CELSR1: variants seen among roughly 807,000 people sequenced by gnomAD.
CELSR1 encodes cadherin EGF LAG seven-pass G-type receptor 1.
CELSR1 carries 110 observed loss-of-function variants against 249.1 expected under a neutral mutation model. That is an observed-to-expected ratio of 0.44 (90% CI 0.38 to 0.52). The LOEUF (loss-of-function observed/expected upper bound fraction) is 0.52. Ranked by LOEUF, CELSR1 falls within the 20% of genes least tolerant of loss-of-function variation. The probability of loss-of-function intolerance (pLI) is 0.00; values close to 1 mark genes in which losing one functional copy is unlikely to be tolerated. For missense variants in CELSR1, 4,109 were observed against 4,296.4 expected (o/e 0.96, Z 1.22); for synonymous variants, 2,113 against 1,900.0 (o/e 1.11, Z -2.92).
In CELSR1 at chr22:46,533,530, T is replaced by C. The variant is rs369459664; in HGVS notation, c.3544+97A>G. ...GCAGAGTTGCCCGGGCCCGGCCCAA[T>C]TGCGCCCCGGCATGCCAGGCGGAGC... is the stretch of plus-strand genomic sequence containing the variant. On this transcript the variant is annotated intron_variant, in intron 1 of 34. Transcript: ENST00000674500. 1,517 of 1,475,880 alleles carry C rather than the reference T, an allele frequency of 1.0e-3. 17 individuals are homozygous for C. In the African/African-American group the frequency reaches 0.017, roughly 17 times the overall value. 91.4% of individuals were successfully genotyped at this position (1,475,880 alleles called of 1,614,324 possible).
At chr22:46,369,836 G>C in intron 25 of CELSR1, 32 bp from the exon 26 acceptor site, 1 of 1,596,134 alleles carries the variant, frequency 6.3e-7, no homozygotes, top group Non-Finnish European at 8.6e-7. Context: ...GGAAGGGTGA[G>C]GGCCACGTGC....
intron 24 of CELSR1, among the ~76,000 whole-genome samples, chr22:46,373,557 C>T (rs1328153789): frequency 1.3e-5 from 2 of 151,266 alleles, no homozygotes; most frequent in Non-Finnish European, 2.9e-5. Context: ...GGAGAGGCTG[C>T]CCCAGCCAGT....
Position 46,500,661 on chromosome 22 carries a change from C to T in CELSR1, c.3544+32966G>A, listed in dbSNP as rs1602216722. Among the ~76,000 whole-genome samples the T allele has an allele frequency of 2.6e-5, 4 of 152,162 alleles. No homozygotes were observed. In the South Asian group the frequency reaches 8.3e-4, roughly 32 times the overall value. ...AGTTTACAACAATGACTCTGCAGGC[C>T]TTTTGTCAGATGCCATTTTTCTTAC... On this transcript the variant is annotated intron_variant, in intron 1 of 34. Coordinates refer to ENST00000674500, the MANE Select transcript of CELSR1 (RefSeq NM_001378328.1). This position sits in a 1 kb window ranked among gnomAD's most constrained non-coding sequence, Gnocchi z 4.9.
rs2079149878 is a variant in CELSR1, at chr22:46,396,577, G to A, written c.5843+28C>T. ...ACACAGCCACATGGACTCTGAAGGTGCAGGGAGGCACCAGGGGCTGCTCTT... is the reference window on the plus strand; with the variant it reads ...ACACAGCCACATGGACTCTGAAGGTACAGGGAGGCACCAGGGGCTGCTCTT... On this transcript the variant is annotated intron_variant, in intron 13 of 34. Coordinates refer to ENST00000674500, the MANE Select transcript of CELSR1 (RefSeq NM_001378328.1). This position sits in a 1 kb window ranked among gnomAD's most constrained non-coding sequence, Gnocchi z 6.4. 1 of 1,532,572 alleles carries A rather than the reference G, an allele frequency of 6.5e-7. No homozygotes were observed. The highest frequency in any genetic ancestry group is 1.4e-5 in the African/African-American group (1 of 71,738). 94.9% of individuals were successfully genotyped at this position (1,532,572 alleles called of 1,614,324 possible).
chr22:46,443,730 A>G (rs2878859), intron 2 of CELSR1, among the ~76,000 whole-genome samples: 74,740 of 152,142 alleles, frequency 0.49, 20,019 homozygotes, highest in African/African-American at 0.71. Flanking sequence ...TCACACACAG[A>G]TGCATACCTG....
In CELSR1 at chr22:46,380,839, T is replaced by G. The variant is rs1300413382; in HGVS notation, c.7205A>C (p.Glu2402Ala). Reference protein sequence around the residue: ...RPVLVEFALLEVEERTKPVCV... With the variant: ...RPVLVEFALLAVEERTKPVCV... ...GACAGGCTTGGTTCGCTCCTCCACCTCCAGCAGGGCGAACTCCACCAGGAC... is the reference window on the plus strand; with the variant it reads ...GACAGGCTTGGTTCGCTCCTCCACCGCCAGCAGGGCGAACTCCACCAGGAC... The change falls in exon 22 of 35, where the codon GAG becomes GCG. Residue 2402 changes from glutamate (E) to alanine (A), a missense_variant. Transcript: ENST00000674500. The surrounding 1 kb of genome is among the most constrained non-coding windows in gnomAD (Gnocchi z 5.1). The G allele has an allele frequency of 6.2e-7, 1 of 1,611,402 alleles. No homozygotes were observed. The highest frequency in any genetic ancestry group is 1.7e-5 in the Admixed American group (1 of 59,954).
At position 46,534,290 on chromosome 22, in the gene CELSR1, C is replaced by A. The variant is rs2080825112; in HGVS notation, c.2881G>T (p.Val961Leu). 2 of 1,613,264 alleles carry A rather than the reference C, an allele frequency of 1.2e-6. No homozygotes were observed. The highest frequency in any genetic ancestry group is 1.7e-6 in the Non-Finnish European group (2 of 1,180,002). ...AGAGCCCAAAGGTTGTACACGGCCA[C>A]ATTCTCCCGGTCCAGCCGGCGCTGG... is the stretch of plus-strand genomic sequence containing the variant. ...RTQRRLDREN[V>L]AVYNLWALAV... The change falls in exon 1 of 35, where the codon GTG becomes TTG. Residue 961 changes from valine (V) to leucine (L), a missense_variant. Val to Leu is a conservative substitution (Grantham distance 32). Coordinates refer to ENST00000674500, the MANE Select transcript of CELSR1 (RefSeq NM_001378328.1). This position sits in a 1 kb window ranked among gnomAD's most constrained non-coding sequence, Gnocchi z 9.7.
Position 46,409,246 on chromosome 22 carries a change from G to A in CELSR1, c.5060-84C>T, listed in dbSNP as rs1379503638. 11 of 1,447,000 alleles carry A rather than the reference G, an allele frequency of 7.6e-6. No individual in the cohort carries two copies. Among genetic ancestry groups the A allele is most frequent in the Non-Finnish European group, 6.7e-6 (7 of 1,051,808 alleles). 89.6% of individuals were successfully genotyped at this position (1,447,000 alleles called of 1,614,324 possible). A position where few individuals can be genotyped will look rare whatever the true frequency, so the allele number is the denominator to read the frequency against. On this transcript the variant is annotated intron_variant, in intron 8 of 34. Transcript: ENST00000674500. The surrounding 1 kb of genome is among the most constrained non-coding windows in gnomAD (Gnocchi z 9.8). ...GGCTGCAGGGGCGGGGGATGGGCCT[G>A]CAGGCTAGGCCTGGGCCTTTTTCAC...
chr22:46,366,982 G>A lies in CELSR1; in HGVS notation c.8205+11C>T. 6.2e-7 allele frequency: 1 copy of A among 1,606,920 alleles called. No individual in the cohort carries two copies. The highest frequency in any genetic ancestry group is 1.1e-5 in the South Asian group (1 of 90,134). On this transcript the variant is annotated intron_variant, in intron 29 of 34. Transcript: ENST00000674500. The stretch of plus-strand genomic sequence containing the variant: ...AGCCCCCAGTCCCGCGGTGTCCCCG[G>A]CGCCTCCTACCGTCAGCAGGGTGGC...
rs1211415825 is a variant in CELSR1 at position 46,436,302 on chromosome 22, G to A, written c.4407-13C>T. 1 of 1,604,426 alleles carries A rather than the reference G, an allele frequency of 6.2e-7. No individual in the cohort carries two copies. Among genetic ancestry groups the A allele is most frequent in the Admixed American group, 1.7e-5 (1 of 59,970 alleles). ...CTGAGTGGCAAACCTGTGGGGCCAA[G>A]CAGAGGCACATCACAGGATGAAGAC... On this transcript the variant is annotated splice_polypyrimidine_tract_variant and intron_variant, in intron 3 of 34. Coordinates refer to ENST00000674500, the MANE Select transcript of CELSR1 (RefSeq NM_001378328.1). The surrounding 1 kb of genome is among the most constrained non-coding windows in gnomAD (Gnocchi z 5.9).
chr22:46,384,316 T>C (rs1482732052), intron 20 of CELSR1, among the ~76,000 whole-genome samples: 1 of 152,164 alleles, frequency 6.6e-6, no homozygotes, highest in Non-Finnish European at 1.5e-5. Context: ...CTCAAGAAGG[T>C]TCAGGTTCTG....
At chr22:46,371,489 G>T (rs961712815) in intron 25 of CELSR1, among the ~76,000 whole-genome samples, 1 of 152,124 alleles carries the variant, frequency 6.6e-6, no homozygotes, top group African/African-American at 2.4e-5. Flanking sequence ...TAAGCAAAAT[G>T]TGTGCTGAGG....
At chr22:46,416,103 A>T (rs59487178) in intron 5 of CELSR1, among the ~76,000 whole-genome samples, 2 of 120,192 alleles carry the variant, frequency 1.7e-5, no homozygotes, top group South Asian at 2.4e-4. Context: ...TACAGGTTGC[A>T]GAGGGGGGCG....
In CELSR1 at chr22:46,363,174, T is replaced by G. The variant is rs1047381548; in HGVS notation, c.*49A>C. 6.8e-6 allele frequency: 11 copies of G among 1,613,560 alleles called. No individual in the cohort carries two copies. The African/African-American group carries it at 1.2e-4, about 18-fold the overall frequency. On this transcript the variant is annotated 3_prime_UTR_variant, in exon 35 of 35. Transcript: ENST00000674500. The surrounding 1 kb of genome is among the most constrained non-coding windows in gnomAD (Gnocchi z 4.3). ...CGCAGCCTGTGTGGGGTGACGGGCT[T>G]GCCTCACGGTTTCCTGATGGTTCAA...
At chr22:46,387,522 GATTT>G (rs1011496233) in intron 18 of CELSR1, among the ~76,000 whole-genome samples, 1 of 145,688 alleles carries the variant, frequency 6.9e-6, no homozygotes, top group Non-Finnish European at 1.5e-5. Flanking sequence ...CCGCCCAGCT[GATTT>G]TTTTCATATT....
chr22:46,511,143 C>G (rs530079165), intron 1 of CELSR1, among the ~76,000 whole-genome samples: 2 of 151,908 alleles, frequency 1.3e-5, no homozygotes, highest in East Asian at 3.9e-4. Context: ...CACACATACA[C>G]TCACAAAGTG....
chr22:46,425,296 G>C (rs1286306774), intron 5 of CELSR1, among the ~76,000 whole-genome samples: 2 of 152,170 alleles, frequency 1.3e-5, no homozygotes, highest in Non-Finnish European at 2.9e-5. Flanking sequence ...TTGGAATGAG[G>C]GTAATGCTTC....
Position 46,537,087 on chromosome 22 carries a change from C to T in CELSR1, c.84G>A (p.Ala28=), listed in dbSNP as rs927521069. 9.6e-7 allele frequency: 1 copy of T among 1,045,166 alleles called. No individual in the cohort carries two copies. Among genetic ancestry groups the T allele is most frequent in the Non-Finnish European group, 1.1e-6 (1 of 871,810 alleles). 64.7% of individuals were successfully genotyped at this position (1,045,166 alleles called of 1,614,324 possible). The change falls in exon 1 of 35, where the codon GCG becomes GCA. Residue 28 remains alanine, a synonymous_variant. Coordinates refer to ENST00000674500, the MANE Select transcript of CELSR1 (RefSeq NM_001378328.1). The surrounding 1 kb of genome is among the most constrained non-coding windows in gnomAD (Gnocchi z 5.8). Reference sequence around the variant, plus strand: ...CGGGTACGCGCGGCTCCCAGGCGGCCGCTCGCAGCCCCATCGCCGGCAGGG... The same window carrying T: ...CGGGTACGCGCGGCTCCCAGGCGGCTGCTCGCAGCCCCATCGCCGGCAGGG... ...AAALPAMGLR[A]AAWEPRVPGG... is the part of the protein sequence containing the mutation.
In CELSR1 at chr22:46,427,546, TA is replaced by T. The variant is rs2079549795; in HGVS notation, c.4611+5846del. 6.6e-6 allele frequency among the ~76,000 whole-genome samples: 1 copy of T among 151,984 alleles called. No individual in the cohort carries two copies. Among genetic ancestry groups the T allele is most frequent in the South Asian group, 2.1e-4 (1 of 4,818 alleles). Reference sequence around the variant, plus strand: ...GACTCCATCTCAAAAATAAAATAAATAAAATACACCCTACAACTATGGCTTT... The same window carrying T: ...GACTCCATCTCAAAAATAAAATAAATAAATACACCCTACAACTATGGCTTT... On this transcript the variant is annotated intron_variant, in intron 5 of 34. Coordinates refer to ENST00000674500, the MANE Select transcript of CELSR1 (RefSeq NM_001378328.1). This position sits in a 1 kb window ranked among gnomAD's most constrained non-coding sequence, Gnocchi z 4.2.
Sources: allele counts gnomAD v4.1 joint callset (sites outside exome capture counted in the v4.1 genomes callset), GRCh38; gene constraint gnomAD v4.1.1; non-coding constraint Gnocchi (gnomAD v3.1); transcripts MANE v1.5; gene names NCBI Gene and HGNC (gene_info 2026-07-23, HGNC 2026-07-21).